ULK4: variants seen among roughly 807,000 people sequenced by gnomAD.
The protein encoded by ULK4 is unc-51 like kinase 4, also known as inactive serine/threonine-protein kinase ULK4.
In ULK4, 133 loss-of-function variants were observed where a neutral mutation model predicts 160.6. The observed-to-expected ratio is 0.83, with a 90% CI of 0.72 to 0.96. ULK4 has a LOEUF of 0.96. Among genes scored for constraint, ULK4 ranks in the 40% least tolerant of loss-of-function variants. The probability of loss-of-function intolerance (pLI) is 0.00; values close to 1 mark genes in which losing one functional copy is unlikely to be tolerated. For synonymous variants in ULK4, 534 were observed against 539.8 expected (o/e 0.99, Z 0.15); for missense variants, 1,580 against 1,499.5 (o/e 1.05, Z -0.89).
intron 21 of ULK4, among the ~76,000 whole-genome samples, chr3:41,776,552 ATC>A (rs2039632240): frequency 6.6e-6 from 1 of 150,888 alleles, no homozygotes; most frequent in Admixed American, 6.6e-5. Flanking sequence ...ATACAAAATG[ATC>A]TCTGAGGTAA....
At chr3:41,549,038 G>GA (rs1687972689) in intron 32 of ULK4, among the ~76,000 whole-genome samples, 1 of 152,052 alleles carries the variant, frequency 6.6e-6, no homozygotes, top group Admixed American at 6.6e-5. Context: ...ACATCTACAG[G>GA]AAAAAAGTCT....
intron 31 of ULK4, among the ~76,000 whole-genome samples, chr3:41,588,376 G>A (rs1256755953): frequency 6.6e-6 from 1 of 152,112 alleles, no homozygotes; most frequent in Non-Finnish European, 1.5e-5. Flanking sequence ...AAGATAAAAC[G>A]ATTATGCTTT....
chr3:41,310,100 C>T (rs1051366451), intron 35 of ULK4, among the ~76,000 whole-genome samples: 1 of 151,792 alleles, frequency 6.6e-6, no homozygotes, highest in Non-Finnish European at 1.5e-5. Context: ...ACCTTTTTTC[C>T]AGTCCATCAT....
chr3:41,261,000 G>T (rs1320721666), intron 35 of ULK4, among the ~76,000 whole-genome samples: 1 of 152,184 alleles, frequency 6.6e-6, no homozygotes, highest in African/African-American at 2.4e-5. Context: ...GGAGAGGAAA[G>T]GAAGAAAACA....
At position 41,663,697 on chromosome 3, in the gene ULK4, T is replaced by C. The variant is rs2035260481; in HGVS notation, c.2981A>G (p.Tyr994Cys). 5 of 1,613,418 alleles carry C rather than the reference T, an allele frequency of 3.1e-6. No individual in the cohort carries two copies. The East Asian group carries it at 8.9e-5, about 29-fold the overall frequency. ...ALIRDVLLPQ[Y>C]EHILLEPDPV... ...GTCAGGTTCTAAAAGAATGTGCTCA[T>C]ACCTGAAATGGTAAAGACATTTAAA... The change falls in exon 30 of 37, where the codon TAT becomes TGT. Residue 994 changes from tyrosine to cysteine, a missense_variant and splice_region_variant. Physicochemically the swap from Tyr to Cys is radical, Grantham distance 194. Coordinates refer to ENST00000301831, the MANE Select transcript of ULK4 (RefSeq NM_017886.4).
chr3:41,552,910 G>A (rs1289910903), intron 32 of ULK4, among the ~76,000 whole-genome samples: 1 of 151,996 alleles, frequency 6.6e-6, no homozygotes, highest in East Asian at 1.9e-4. Context: ...CAGACATATA[G>A]ATCAATGGAG....
At position 41,911,370 on chromosome 3, in the gene ULK4, A is replaced by G. The variant is rs769348038; in HGVS notation, c.1032T>C (p.Phe344=). 1 of 1,614,160 alleles carries G rather than the reference A, an allele frequency of 6.2e-7. No homozygotes were observed. The highest frequency in any genetic ancestry group is 1.7e-5 in the Admixed American group (1 of 60,020). ...GACCCTCAAGAGTACTCTTAGGCCG[A>G]AACTCAGTTGGATTTTCTGTAGCAG... ...HSFRLENPTE[F]RPKSTLEGQL... Residue 344 remains phenylalanine (F), a synonymous_variant, in exon 11 of 37, where the codon TTT becomes TTC. Transcript: ENST00000301831.
chr3:41,767,162 T>A (rs1432164285), intron 21 of ULK4, among the ~76,000 whole-genome samples: 1 of 152,218 alleles, frequency 6.6e-6, no homozygotes, highest in Non-Finnish European at 1.5e-5. Flanking sequence ...TTTAAAGACA[T>A]CCTTTTTGTC....
chr3:41,247,131 G>C (rs1380692842), intron 36 of ULK4, 139 bp from the exon 37 acceptor site: 2 of 844,454 alleles, frequency 2.4e-6, no homozygotes, highest in Non-Finnish European at 3.8e-6. Context: ...GCAGAAGCAG[G>C]AAATCCTGGC....
intron 30 of ULK4, among the ~76,000 whole-genome samples, chr3:41,643,326 T>G (rs2034323034): frequency 6.6e-6 from 1 of 152,176 alleles, no homozygotes; most frequent in South Asian, 2.1e-4. Flanking sequence ...TGGTTTTAGG[T>G]GTAACGTTTA....
chr3:41,566,781 G>T (rs2087796909), intron 31 of ULK4, among the ~76,000 whole-genome samples: 1 of 152,008 alleles, frequency 6.6e-6, no homozygotes, highest in South Asian at 2.1e-4. Flanking sequence ...CTTTTCTTTT[G>T]TTCCCTTTTT....
At chr3:41,458,172 A>G (rs2083598458) in intron 33 of ULK4, among the ~76,000 whole-genome samples, 1 of 152,166 alleles carries the variant, frequency 6.6e-6, no homozygotes, top group South Asian at 2.1e-4. Flanking sequence ...TGCTAGGTAT[A>G]TGAATATGGA....
intron 32 of ULK4, among the ~76,000 whole-genome samples, chr3:41,465,292 A>G (rs1246542457): frequency 6.6e-6 from 1 of 152,196 alleles, no homozygotes; most frequent in Non-Finnish European, 1.5e-5. Flanking sequence ...CTTTTCAACA[A>G]TATCAATATT....
intron 35 of ULK4, among the ~76,000 whole-genome samples, chr3:41,310,559 A>G (rs1290972111): frequency 2.6e-5 from 4 of 152,264 alleles, no homozygotes; most frequent in Non-Finnish European, 1.5e-5. Context: ...AAATGCAAAC[A>G]GGATAAACTG....
At position 41,938,151 on chromosome 3, in the gene ULK4, T is replaced by G; in HGVS notation, c.185A>C (p.His62Pro). The G allele has an allele frequency of 2.5e-6, 4 of 1,613,536 alleles. No individual in the cohort carries two copies. Among genetic ancestry groups the G allele is most frequent in the Non-Finnish European group, 3.4e-6 (4 of 1,179,734 alleles). ...EIKHKNIVTFHEWYETSNHLW... is the reference protein window; with the variant it reads ...EIKHKNIVTFPEWYETSNHLW... The stretch of plus-strand genomic sequence containing the variant: ...GTGGTTGCTTGTTTCATACCATTCA[T>G]GAAAAGTTACAATATTCTTGTGTTT... Residue 62 changes from histidine to proline, a missense_variant, in exon 3 of 37, where the codon CAT (histidine) becomes CCT (proline). Coordinates refer to ENST00000301831, the MANE Select transcript of ULK4 (RefSeq NM_017886.4).
rs150328294 is a variant in ULK4 at position 41,355,727 on chromosome 3, G to A, written c.3678+42352C>T. Among the ~76,000 whole-genome samples, 546 of 152,182 alleles carry A rather than the reference G, an allele frequency of 3.6e-3. 3 individuals are homozygous for A. Among genetic ancestry groups the A allele is most frequent in the African/African-American group, 0.012 (513 of 41,512 alleles). On this transcript the variant is annotated intron_variant, in intron 35 of 36. Transcript: ENST00000301831. ...TTTAGAACAATAATTCACAGTCCAT[G>A]GAATAGTGCATCACCACAGATTAGA...
At chr3:41,409,911 T>G (rs541848709) in intron 34 of ULK4, among the ~76,000 whole-genome samples, 1 of 151,672 alleles carries the variant, frequency 6.6e-6, no homozygotes, top group African/African-American at 2.4e-5. Flanking sequence ...ATCACGCCAC[T>G]GTACTCCAGC....
At chr3:41,348,371 A>C (rs2080846194) in intron 35 of ULK4, among the ~76,000 whole-genome samples, 1 of 152,126 alleles carries the variant, frequency 6.6e-6, no homozygotes, top group Non-Finnish European at 1.5e-5. Flanking sequence ...CTGGGGAACA[A>C]GGTAAAGGCT....
chr3:41,797,156 A>C (rs2040324582), intron 20 of ULK4, among the ~76,000 whole-genome samples: 1 of 152,046 alleles, frequency 6.6e-6, no homozygotes. Flanking sequence ...ATACAAGGCC[A>C]TCAAAATAAT....
Sources: gnomAD v4.1 joint callset for allele counts (sites outside exome capture counted in the v4.1 genomes callset) on GRCh38, gnomAD v4.1.1 for gene constraint, MANE v1.5 for transcripts, NCBI Gene and HGNC (gene_info 2026-07-23, HGNC 2026-07-21) for gene names.